Variants in NSMCE2 observed in about 807,000 individuals in gnomAD.
The protein encoded by NSMCE2 is NSE2 SUMO ligase component of SMC5/6 complex, also known as E3 SUMO-protein ligase NSE2.
A neutral mutation model predicts 23.8 loss-of-function variants in NSMCE2; 24 were observed. The observed-to-expected ratio is 1.01, with a 90% CI of 0.73 to 1.42. The LOEUF (loss-of-function observed/expected upper bound fraction) is 1.42. Among genes scored for constraint, NSMCE2 ranks in the 40% most tolerant of loss-of-function variants. The pLI is 0.00. For synonymous variants in NSMCE2, 92 were observed against 94.1 expected (o/e 0.98, Z 0.13); for missense variants, 284 against 296.5 (o/e 0.96, Z 0.31).
intron 5 of NSMCE2, among the ~76,000 whole-genome samples, chr8:125,308,323 A>G (rs1025708536): frequency 6.6e-6 from 1 of 152,030 alleles, no homozygotes; most frequent in Non-Finnish European, 1.5e-5. Context: ...TTTTGGGGGG[A>G]AAAAATCCTA....
In NSMCE2 at chr8:125,134,722, C is replaced by CTTTT. The variant is rs34284298; in HGVS notation, c.158-16431_158-16428dup. Among the ~76,000 whole-genome samples, 1,012 of 117,694 alleles carry CTTTT rather than the reference C, an allele frequency of 8.6e-3. 21 individuals are homozygous for CTTTT. The highest frequency in any genetic ancestry group is 0.032 in the African/African-American group (983 of 30,572). The allele number at this position is 117,694 out of a possible 152,430, so 77.2% of individuals were successfully genotyped here. On this transcript the variant is annotated intron_variant, in intron 3 of 7. Transcript: ENST00000287437. ...CAGCCTCTTTGTTTTTAACGGATTC[C>CTTTT]TTTTTTTTTTTTTTTTTTTTTAAGA...
intron 5 of NSMCE2, among the ~76,000 whole-genome samples, chr8:125,253,470 G>A (rs1369223382): frequency 6.6e-6 from 1 of 152,148 alleles, no homozygotes; most frequent in Admixed American, 6.5e-5. Context: ...GTTTCGGGTG[G>A]AGTTTTGTTT....
At chr8:125,324,716 A>G (rs1320591286) in intron 5 of NSMCE2, among the ~76,000 whole-genome samples, 1 of 103,070 alleles carries the variant, frequency 9.7e-6, no homozygotes, top group Non-Finnish European at 2.3e-5. Flanking sequence ...CTGGGACTAC[A>G]GGCGCCCGCC....
intron 5 of NSMCE2, among the ~76,000 whole-genome samples, chr8:125,335,405 G>T (rs1830037416): frequency 6.6e-6 from 1 of 152,206 alleles, no homozygotes; most frequent in Non-Finnish European, 1.5e-5. Flanking sequence ...CACTCAAGGT[G>T]ATTAGGTAAC....
intron 5 of NSMCE2, among the ~76,000 whole-genome samples, chr8:125,296,156 T>A (rs912540302): frequency 6.6e-6 from 1 of 152,232 alleles, no homozygotes; most frequent in Non-Finnish European, 1.5e-5. Flanking sequence ...TCCATGGCCC[T>A]ATGAACTAGG....
intron 5 of NSMCE2, among the ~76,000 whole-genome samples, chr8:125,299,830 T>TTTTTTC (rs1828483617): frequency 1.5e-5 from 2 of 134,794 alleles, no homozygotes; most frequent in South Asian, 4.9e-4. Flanking sequence ...TTTTTTTTTT[T>TTTTTTC]TGTCTTGAGA....
chr8:125,207,695 G>C (rs1280082267), intron 5 of NSMCE2, among the ~76,000 whole-genome samples: 1 of 152,178 alleles, frequency 6.6e-6, no homozygotes, highest in African/African-American at 2.4e-5. Flanking sequence ...CATTTGGATG[G>C]GGTTTAGCTG....
chr8:125,287,357 A>G (rs1422645791), intron 5 of NSMCE2, among the ~76,000 whole-genome samples: 1 of 152,064 alleles, frequency 6.6e-6, no homozygotes, highest in Non-Finnish European at 1.5e-5. Context: ...ATAAAATCAA[A>G]TACAGAATTT....
chr8:125,263,644 G>A (rs991908774), intron 5 of NSMCE2, among the ~76,000 whole-genome samples: 2 of 152,106 alleles, frequency 1.3e-5, no homozygotes, highest in Non-Finnish European at 2.9e-5. Flanking sequence ...CAGCTACTCT[G>A]GAGGTTGAGG....
At chr8:125,203,410 A>G (rs1823973519) in intron 5 of NSMCE2, among the ~76,000 whole-genome samples, 1 of 152,226 alleles carries the variant, frequency 6.6e-6, no homozygotes. Flanking sequence ...TTACTGAGAA[A>G]TAAGCCACAT....
At chr8:125,217,353 T>G (rs1824636491) in intron 5 of NSMCE2, among the ~76,000 whole-genome samples, 1 of 149,732 alleles carries the variant, frequency 6.7e-6, no homozygotes, top group Admixed American at 6.6e-5. Flanking sequence ...ATTTATTTAT[T>G]TATTTATTTT....
At chr8:125,275,025 TAATAATAATA>T (rs1827392929) in intron 5 of NSMCE2, among the ~76,000 whole-genome samples, 1 of 144,376 alleles carries the variant, frequency 6.9e-6, no homozygotes, top group African/African-American at 2.7e-5. Context: ...ATAATAATAA[TAATAATAATA>T]AATAGAATAA....
intron 5 of NSMCE2, among the ~76,000 whole-genome samples, chr8:125,230,472 G>T (rs116479103): frequency 6.6e-6 from 1 of 152,090 alleles, no homozygotes. Context: ...GATGTTCAAA[G>T]CGTGAACATC....
chr8:125,161,809 C>G (rs912622902), intron 4 of NSMCE2, among the ~76,000 whole-genome samples: 3 of 145,028 alleles, frequency 2.1e-5, no homozygotes, highest in African/African-American at 7.8e-5. Flanking sequence ...AAAAAAAAAT[C>G]GGAAACGGTA....
chr8:125,329,303 A>G (rs1233854441), intron 5 of NSMCE2, among the ~76,000 whole-genome samples: 9 of 152,092 alleles, frequency 5.9e-5, no homozygotes, highest in Admixed American at 5.9e-4. Context: ...GGTCCTTTCA[A>G]TCTGGGGACA....
intron 5 of NSMCE2, among the ~76,000 whole-genome samples, chr8:125,196,703 TTGGGTATATACCCAGTAA>T (rs1369566774): frequency 6.6e-6 from 1 of 152,232 alleles, no homozygotes; most frequent in Non-Finnish European, 1.5e-5. Flanking sequence ...TTATAATCCT[TTGGGTATATACCCAGTAA>T]TGGGATCGCT....
At chr8:125,139,169 A>G (rs1301066272) in intron 3 of NSMCE2, among the ~76,000 whole-genome samples, 1 of 152,198 alleles carries the variant, frequency 6.6e-6, no homozygotes. Flanking sequence ...TAGTTATATC[A>G]GGGCTTTTTA....
intron 5 of NSMCE2, among the ~76,000 whole-genome samples, chr8:125,328,627 CAT>C (rs1315444241): frequency 2.0e-5 from 3 of 152,206 alleles, no homozygotes; most frequent in Admixed American, 2.0e-4. Flanking sequence ...GGATTCTCCA[CAT>C]GATTCACAGG....
At chr8:125,282,761 A>T (rs956531950) in intron 5 of NSMCE2, among the ~76,000 whole-genome samples, 8 of 152,226 alleles carry the variant, frequency 5.3e-5, no homozygotes, top group Admixed American at 5.2e-4. Flanking sequence ...CCTTCAAAGT[A>T]TCTGTTGACT....
Sources: allele counts gnomAD v4.1 joint callset (sites outside exome capture counted in the v4.1 genomes callset), GRCh38; gene constraint gnomAD v4.1.1; transcripts MANE v1.5; gene names NCBI Gene and HGNC (gene_info 2026-07-23, HGNC 2026-07-21).